Variants in CELF6 observed in about 807,000 individuals in gnomAD.
CELF6 encodes the protein Bruno -like 6, RNA binding protein.
A neutral mutation model predicts 53.1 loss-of-function variants in CELF6; 32 were observed. The observed-to-expected ratio is 0.60, with a 90% CI of 0.46 to 0.81. The LOEUF is 0.81. Ranked by LOEUF, CELF6 falls within the 30% of genes least tolerant of loss-of-function variation. The pLI, the probability that CELF6 is intolerant of heterozygous loss-of-function variation, is 0.00. For synonymous variants in CELF6, 291 were observed against 288.8 expected (o/e 1.01, Z -0.08); for missense variants, 539 against 669.5 (o/e 0.81, Z 2.15).
intron 2 of CELF6, among the ~76,000 whole-genome samples, chr15:72,314,610 T>TTTTTTTTTTTTTTTTTTA (rs2088339771): frequency 6.7e-6 from 1 of 149,460 alleles, no homozygotes; most frequent in African/African-American, 2.5e-5. Context: ...TTTTTTTTTT[T>TTTTTTTTTTTTTTTTTTA]TTGAGACTGA....
At chr15:72,291,946 G>A (rs1343248365) in intron 3 of CELF6, among the ~76,000 whole-genome samples, 1 of 152,184 alleles carries the variant, frequency 6.6e-6, no homozygotes, top group Admixed American at 6.5e-5. Flanking sequence ...ACAACCTGGT[G>A]GGTGTACTTT....
At chr15:72,304,049 G>T (rs1404831780) in intron 3 of CELF6, among the ~76,000 whole-genome samples, 4 of 151,850 alleles carry the variant, frequency 2.6e-5, no homozygotes, top group African/African-American at 9.7e-5. Flanking sequence ...TTATCTATTT[G>T]TAGTAGAGAC....
chr15:72,315,835 G>A lies in CELF6; in HGVS notation c.345+10C>T, dbSNP rs767198983. ...GAGGTGATTCCCACCCCCCAACCTG[G>A]AGGACTTACCCCTGGCAGGGTCTTC... is the stretch of plus-strand genomic sequence containing the variant. On this transcript the variant is annotated intron_variant, in intron 2 of 12. Transcript: ENST00000287202. The A allele has an allele frequency of 1.3e-6, 2 of 1,584,880 alleles. No individual in the cohort carries two copies. Among genetic ancestry groups the A allele is most frequent in the East Asian group, 2.3e-5 (1 of 44,076 alleles).
At chr15:72,299,317 G>A (rs758080520) in intron 3 of CELF6, among the ~76,000 whole-genome samples, 64 of 150,848 alleles carry the variant, frequency 4.2e-4, no homozygotes, top group Non-Finnish European at 7.8e-4. Context: ...TAATGTTCAT[G>A]TTCAAATGCA....
At chr15:72,307,996 A>G (rs2088251806) in intron 2 of CELF6, among the ~76,000 whole-genome samples, 1 of 152,160 alleles carries the variant, frequency 6.6e-6, no homozygotes, top group South Asian at 2.1e-4. Context: ...CTGAAGGAGC[A>G]AAGTTTCTAG....
chr15:72,303,924 C>T (rs1010052959), intron 3 of CELF6, among the ~76,000 whole-genome samples: 2 of 152,024 alleles, frequency 1.3e-5, no homozygotes, highest in African/African-American at 4.8e-5. Flanking sequence ...ATGGCGTGAT[C>T]TCGGCTCACT....
At chr15:72,314,596 T>G (rs976435578) in intron 2 of CELF6, among the ~76,000 whole-genome samples, 6 of 143,120 alleles carry the variant, frequency 4.2e-5, no homozygotes, top group South Asian at 2.2e-4. Context: ...AGTGTTTTTT[T>G]TTTTTTTTTT....
intron 2 of CELF6, among the ~76,000 whole-genome samples, chr15:72,305,368 G>A (rs1302627235): frequency 9.2e-5 from 14 of 152,032 alleles, no homozygotes; most frequent in Admixed American, 5.2e-4. Flanking sequence ...CACCAGGCCC[G>A]GCTGATTTTT....
At chr15:72,318,880 G>A (rs1262338424) in intron 1 of CELF6, among the ~76,000 whole-genome samples, 6 of 152,158 alleles carry the variant, frequency 3.9e-5, no homozygotes, top group African/African-American at 1.4e-4. Flanking sequence ...AGGGACACAG[G>A]GTGGCAGGAG....
chr15:72,311,193 G>A (rs1015421149), intron 2 of CELF6, among the ~76,000 whole-genome samples: 3 of 151,204 alleles, frequency 2.0e-5, no homozygotes, highest in Admixed American at 6.6e-5. Context: ...TAGAGACGGG[G>A]TTTCACCATG....
At chr15:72,295,948 TGAA>T (rs764780412) in intron 3 of CELF6, among the ~76,000 whole-genome samples, 3 of 152,056 alleles carry the variant, frequency 2.0e-5, no homozygotes, top group Non-Finnish European at 2.9e-5. Context: ...CCAGCAATCT[TGAA>T]GAAGAAGAAG....
chr15:72,290,042 G>C (rs1203049535), intron 4 of CELF6, 24 bp from the exon 5 acceptor site: 1 of 1,612,952 alleles, frequency 6.2e-7, no homozygotes, highest in Non-Finnish European at 8.5e-7. Flanking sequence ...GAGGGAGCGG[G>C]TGGCTCAGGC....
At chr15:72,308,526 C>T (rs530788885) in intron 2 of CELF6, among the ~76,000 whole-genome samples, 6 of 152,082 alleles carry the variant, frequency 3.9e-5, no homozygotes, top group African/African-American at 9.6e-5. Flanking sequence ...CGCACCTGGC[C>T]GGTTTTTGTT....
intron 2 of CELF6, among the ~76,000 whole-genome samples, chr15:72,307,011 G>A (rs2088239179): frequency 6.6e-6 from 1 of 152,046 alleles, no homozygotes. Flanking sequence ...GCGGGTGCAG[G>A]AGAGGCAGGG....
At chr15:72,311,071 C>T (rs1469544159) in intron 2 of CELF6, among the ~76,000 whole-genome samples, 1 of 152,190 alleles carries the variant, frequency 6.6e-6, no homozygotes, top group African/African-American at 2.4e-5. Context: ...GATCATGATT[C>T]AGCTCAGATA....
chr15:72,309,236 A>G (rs1353488508), intron 2 of CELF6, among the ~76,000 whole-genome samples: 2 of 152,208 alleles, frequency 1.3e-5, no homozygotes, highest in African/African-American at 4.8e-5. Flanking sequence ...AAGTAGAGGA[A>G]TCATCTAGTC....
At chr15:72,314,483 TAA>T (rs1364826700) in intron 2 of CELF6, among the ~76,000 whole-genome samples, 1 of 151,002 alleles carries the variant, frequency 6.6e-6, no homozygotes, top group Non-Finnish European at 1.5e-5. Flanking sequence ...TCCTCATATC[TAA>T]AGAGACTGAA....
intron 4 of CELF6, 43 bp downstream of exon 4, chr15:72,290,084 T>C: frequency 6.2e-7 from 1 of 1,611,706 alleles, no homozygotes; most frequent in Middle Eastern, 1.7e-4. Flanking sequence ...TGGCCCAGAG[T>C]GAGGAAGGGT....
At chr15:72,306,414 C>T (rs945937061) in intron 2 of CELF6, 5 of 547,462 alleles carry the variant, frequency 9.1e-6, no homozygotes, top group Non-Finnish European at 1.2e-5. Context: ...TACCAATTTG[C>T]TCGTTGCCGA....
Sources: gnomAD v4.1 joint callset for allele counts (sites outside exome capture counted in the v4.1 genomes callset) on GRCh38, gnomAD v4.1.1 for gene constraint, MANE v1.5 for transcripts, NCBI Gene and HGNC (gene_info 2026-07-23, HGNC 2026-07-21) for gene names.